TUT4: variants seen among roughly 807,000 people sequenced by gnomAD.
TUT4 encodes terminal uridylyltransferase 4.
TUT4 carries 36 observed loss-of-function variants against 192.2 expected under a neutral mutation model. The ratio of observed to expected loss-of-function variants is 0.19; its 90% CI spans 0.14 to 0.25. TUT4 has a LOEUF of 0.25. Among genes scored for constraint, TUT4 ranks in the 10% least tolerant of loss-of-function variants. The pLI, the probability that TUT4 is intolerant of heterozygous loss-of-function variation, is 1.00. For synonymous variants in TUT4, 618 were observed against 666.0 expected (o/e 0.93, Z 1.11); for missense variants, 1,493 against 1,957.2 (o/e 0.76, Z 4.47).
chr1:52,512,059 T>C (rs1221670136), intron 3 of TUT4, among the ~76,000 whole-genome samples: 1 of 152,144 alleles, frequency 6.6e-6, no homozygotes, highest in African/African-American at 2.4e-5. Flanking sequence ...AAGGAAGTCA[T>C]GAAATCAATC....
At chr1:52,458,215 G>C in intron 20 of TUT4, 121 bp downstream of exon 20, 1 of 603,874 alleles carries the variant, frequency 1.7e-6, no homozygotes, top group Non-Finnish European at 2.8e-6. Flanking sequence ...AATGGAAAGA[G>C]AAAACTTAGG....
intron 4 of TUT4, among the ~76,000 whole-genome samples, chr1:52,498,330 C>A (rs369126640): frequency 2.7e-5 from 4 of 150,912 alleles, no homozygotes; most frequent in East Asian, 4.0e-4. Flanking sequence ...CAGGCTCCGC[C>A]CCCCCGGGGT....
intron 1 of TUT4, among the ~76,000 whole-genome samples, chr1:52,535,900 C>T (rs945297470): frequency 1.3e-5 from 2 of 152,300 alleles, no homozygotes; most frequent in East Asian, 3.8e-4. Flanking sequence ...TAAGAATTCT[C>T]TAGCCAGTAA....
chr1:52,532,879 C>T (rs1217125852), intron 1 of TUT4, among the ~76,000 whole-genome samples: 1 of 152,210 alleles, frequency 6.6e-6, no homozygotes, highest in Non-Finnish European at 1.5e-5. Context: ...TCTCTGCAGT[C>T]TGATGTGGCC....
At chr1:52,536,982 G>A (rs1333036909) in intron 1 of TUT4, among the ~76,000 whole-genome samples, 4 of 151,986 alleles carry the variant, frequency 2.6e-5, no homozygotes, top group Non-Finnish European at 5.9e-5. Flanking sequence ...TGGCTAACAC[G>A]GTGAAACCCC....
At chr1:52,506,308 C>G (rs1410623331) in intron 4 of TUT4, among the ~76,000 whole-genome samples, 1 of 152,012 alleles carries the variant, frequency 6.6e-6, no homozygotes, top group East Asian at 1.9e-4. Context: ...CCGTCGGAGT[C>G]AACAAGTTAA....
At chr1:52,458,500 G>C (rs754744833) in intron 19 of TUT4, 51 bp from the exon 20 acceptor site, 7 of 1,380,868 alleles carry the variant, frequency 5.1e-6, no homozygotes, top group Non-Finnish European at 7.1e-6. Context: ...ACTCCATGCA[G>C]AAGTATATTA....
At chr1:52,545,690 T>C (rs1687883030) in intron 1 of TUT4, among the ~76,000 whole-genome samples, 1 of 151,984 alleles carries the variant, frequency 6.6e-6, no homozygotes, top group Admixed American at 6.6e-5. Context: ...ATAGCAAGTG[T>C]TGGCAAGGCT....
intron 12 of TUT4, 84 bp downstream of exon 12, chr1:52,477,624 A>T: frequency 7.5e-7 from 1 of 1,341,620 alleles, no homozygotes; most frequent in Non-Finnish European, 1.0e-6. Flanking sequence ...AGTGCCACAA[A>T]GCCAAAGGAT....
At chr1:52,437,029 A>C in intron 25 of TUT4, 51 bp from the exon 26 acceptor site, 1 of 1,592,498 alleles carries the variant, frequency 6.3e-7, no homozygotes, top group Non-Finnish European at 8.5e-7. Context: ...TGAGTCACAG[A>C]ACAAACTATG....
intron 12 of TUT4, among the ~76,000 whole-genome samples, chr1:52,476,785 TCA>T (rs2148906832): frequency 6.6e-6 from 1 of 152,318 alleles, no homozygotes; most frequent in African/African-American, 2.4e-5. Flanking sequence ...TGGGTTGAAC[TCA>T]CAGTAGAGAA....
At chr1:52,511,221 C>G (rs1201984997) in intron 3 of TUT4, among the ~76,000 whole-genome samples, 1 of 152,042 alleles carries the variant, frequency 6.6e-6, no homozygotes, top group East Asian at 1.9e-4. Context: ...ATTAATTTGC[C>G]CAAGGCAACA....
At chr1:52,464,995 A>G in intron 16 of TUT4, 75 bp downstream of exon 16, 3 of 1,145,792 alleles carry the variant, frequency 2.6e-6, no homozygotes, top group South Asian at 1.6e-5. Context: ...TTTTATCAAT[A>G]TCACATACAA....
chr1:52,436,081 C>T (rs1365376048), intron 26 of TUT4, among the ~76,000 whole-genome samples: 8 of 152,186 alleles, frequency 5.3e-5, no homozygotes, highest in Non-Finnish European at 8.8e-5. Context: ...GAACAGGTAT[C>T]CTTCTCTCAT....
chr1:52,502,314 CAAAT>C (rs889578678), intron 4 of TUT4, among the ~76,000 whole-genome samples: 4 of 152,132 alleles, frequency 2.6e-5, no homozygotes, highest in African/African-American at 7.2e-5. Flanking sequence ...CACCAGTCTC[CAAAT>C]ACTCTATGTG....
chr1:52,506,579 T>A (rs1055742524), intron 4 of TUT4, among the ~76,000 whole-genome samples: 1 of 152,234 alleles, frequency 6.6e-6, no homozygotes, highest in Non-Finnish European at 1.5e-5. Context: ...TCTTTTGCAA[T>A]GTTTGATGTA....
chr1:52,446,247 T>C lies in TUT4; in HGVS notation c.3691+18A>G. On this transcript the variant is annotated intron_variant, in intron 22 of 29. Coordinates refer to ENST00000257177, the MANE Select transcript of TUT4 (RefSeq NM_001009881.3). Reference sequence around the variant, plus strand: ...CAAATTTTGGTTGCTCCTGAATTAATATCAGCTTAAATGTTACCTTCAATT... The same window carrying C: ...CAAATTTTGGTTGCTCCTGAATTAACATCAGCTTAAATGTTACCTTCAATT... The C allele has an allele frequency of 6.3e-7, 1 of 1,594,406 alleles. No individual in the cohort carries two copies. Among genetic ancestry groups the C allele is most frequent in the Non-Finnish European group, 8.5e-7 (1 of 1,173,788 alleles).
In TUT4 at chr1:52,423,782, A is replaced by G; in HGVS notation, c.*153T>C. ...TAAATAAGCTATCTAAACGTGTTAA[A>G]ATTTTAAATCAGGACCTGATTTGTT... On this transcript the variant is annotated 3_prime_UTR_variant, in exon 30 of 30. Transcript: ENST00000257177. The G allele has an allele frequency of 6.5e-7, 1 of 1,528,892 alleles. No individual in the cohort carries two copies. Among genetic ancestry groups the G allele is most frequent in the South Asian group, 1.2e-5 (1 of 82,994 alleles). 94.7% of individuals were successfully genotyped at this position (1,528,892 alleles called of 1,614,324 possible).
intron 28 of TUT4, among the ~76,000 whole-genome samples, chr1:52,426,538 C>T (rs186176565): frequency 2.0e-5 from 3 of 151,902 alleles, no homozygotes; most frequent in Admixed American, 6.5e-5. Context: ...AAATTAAGTA[C>T]GGGATAGGAA....
Sources: allele counts gnomAD v4.1 joint callset (sites outside exome capture counted in the v4.1 genomes callset), GRCh38; gene constraint gnomAD v4.1.1; transcripts MANE v1.5; gene names NCBI Gene and HGNC (gene_info 2026-07-23, HGNC 2026-07-21).